Variants in GNPDA1 observed in about 807,000 individuals in gnomAD.
GNPDA1 encodes glucosamine-6-phosphate deaminase 1, also known as GNPDA 1.
A neutral mutation model predicts 28.5 loss-of-function variants in GNPDA1; 24 were observed. The observed-to-expected ratio is 0.84, with a 90% CI of 0.61 to 1.19. The LOEUF is 1.19. Among genes scored for constraint, GNPDA1 ranks in the 50% most tolerant of loss-of-function variants. GNPDA1 has a pLI of 0.00. For missense variants in GNPDA1, 264 were observed against 367.3 expected, an observed-to-expected ratio of 0.72 and a Z score of 2.30; for synonymous variants, 147 against 139.3, an observed-to-expected ratio of 1.06 and a Z score of -0.39.
rs766694575 is a variant in GNPDA1, at chr5:142,003,209, G to A, written c.648C>T (p.Ile216=). The part of the protein sequence containing the change: ...AHKAFALYKA[I]EEGVNHMWTV... ...TCCACATGTGGTTCACTCCCTCCTC[G>A]ATGGCCTTGTACAGAGCAAATGCCT... Residue 216 remains isoleucine (I), a synonymous_variant, in exon 6 of 7, where the codon ATC becomes ATT. Transcript: ENST00000311337. This position sits in a 1 kb window ranked among gnomAD's most constrained non-coding sequence, Gnocchi z 4.0. 21 of 1,613,520 alleles carry A rather than the reference G, an allele frequency of 1.3e-5. No individual in the cohort carries two copies. The highest frequency in any genetic ancestry group is 2.2e-5 in the East Asian group (1 of 44,882).
chr5:142,003,231 G>C lies in GNPDA1; in HGVS notation c.626C>G (p.Ala209Gly), dbSNP rs770774498. ...VMILITGAHK[A>G]FALYKAIEEG... ...CTCGATGGCCTTGTACAGAGCAAAT[G>C]CCTTGTGAGCACCTGTGATAAGGAT... Residue 209 changes from alanine to glycine, a missense_variant, in exon 6 of 7, where the codon GCA (alanine) becomes GGA (glycine). Coordinates refer to ENST00000311337, the MANE Select transcript of GNPDA1 (RefSeq NM_005471.5). This position sits in a 1 kb window ranked among gnomAD's most constrained non-coding sequence, Gnocchi z 4.0. 2.4e-5 allele frequency: 39 copies of C among 1,612,766 alleles called. No homozygotes were observed. The highest frequency in any genetic ancestry group is 3.2e-5 in the Non-Finnish European group (38 of 1,179,412).
intron 2 of GNPDA1, among the ~76,000 whole-genome samples, chr5:142,009,636 C>T (rs1366115277): frequency 2.0e-5 from 3 of 152,096 alleles, no homozygotes; most frequent in Admixed American, 6.6e-5. Context: ...TTAGTTGGTC[C>T]GTGTGACAAG....
At chr5:142,006,375 C>T in intron 3 of GNPDA1, 49 bp from the exon 4 acceptor site, 1 of 1,418,872 alleles carries the variant, frequency 7.0e-7, no homozygotes, top group Non-Finnish European at 9.9e-7. Flanking sequence ...GCCAAAGCCC[C>T]TCTCCTAAGA....
At chr5:142,005,877 T>C (rs1755789669) in intron 4 of GNPDA1, among the ~76,000 whole-genome samples, 1 of 152,192 alleles carries the variant, frequency 6.6e-6, no homozygotes, top group Admixed American at 6.5e-5. Context: ...GACTGATCCA[T>C]AAAACCTTAA....
Position 142,005,003 on chromosome 5 carries a change from C to T in GNPDA1, c.523G>A (p.Asp175Asn), listed in dbSNP as rs368639771. Reference sequence around the variant, plus strand: ...GTGGGCACCTTGGTGAGTTCTCCATCGAAGAACCTAGCATTGGCCAGGATG... The same window carrying T: ...GTGGGCACCTTGGTGAGTTCTCCATTGAAGAACCTAGCATTGGCCAGGATG... ...DTILANARFF[D>N]GELTKVPTMA... The change falls in exon 5 of 7, where the codon GAT becomes AAT. Residue 175 changes from aspartate to asparagine, a missense_variant. Asp to Asn is a conservative substitution (Grantham distance 23). Coordinates refer to ENST00000311337, the MANE Select transcript of GNPDA1 (RefSeq NM_005471.5). 5.5e-5 allele frequency: 89 copies of T among 1,613,336 alleles called. 1 individual carries two copies. The highest frequency in any genetic ancestry group is 6.7e-5 in the Non-Finnish European group (79 of 1,179,518).
intron 2 of GNPDA1, among the ~76,000 whole-genome samples, chr5:142,009,371 G>A (rs1755888275): frequency 6.6e-6 from 1 of 151,942 alleles, no homozygotes; most frequent in Non-Finnish European, 1.5e-5. Flanking sequence ...ACACTGCACA[G>A]CCCCACCCCT....
At position 142,003,030 on chromosome 5, in the gene GNPDA1, C is replaced by G. The variant is rs1224877459; in HGVS notation, c.769+58G>C. 1 of 1,440,970 alleles carries G rather than the reference C, an allele frequency of 6.9e-7. No individual in the cohort carries two copies. Among genetic ancestry groups the G allele is most frequent in the East Asian group, 2.3e-5 (1 of 43,852 alleles). 89.3% of individuals were successfully genotyped at this position (1,440,970 alleles called of 1,614,324 possible). A position where few individuals can be genotyped will look rare whatever the true frequency, so the allele number is the denominator to read the frequency against. On this transcript the variant is annotated intron_variant, in intron 6 of 6. Transcript: ENST00000311337. The surrounding 1 kb of genome is among the most constrained non-coding windows in gnomAD (Gnocchi z 4.0). Reference sequence around the variant, plus strand: ...CAGAGGATGAAAGCTGGATCTACTCCTTACTCCTAGCACACCCTAAGCTTG... The same window carrying G: ...CAGAGGATGAAAGCTGGATCTACTCGTTACTCCTAGCACACCCTAAGCTTG...
At chr5:142,012,201 C>CACT in intron 1 of GNPDA1, 160 bp from the exon 2 acceptor site, 1 of 630,732 alleles carries the variant, frequency 1.6e-6, no homozygotes. Context: ...AGCTAAGAGG[C>CACT]TAGGCCAGTC....
At chr5:142,006,739 T>C (rs553903395) in intron 3 of GNPDA1, among the ~76,000 whole-genome samples, 5 of 152,022 alleles carry the variant, frequency 3.3e-5, no homozygotes, top group African/African-American at 1.2e-4. Flanking sequence ...CCACTCCCAG[T>C]TCTACCCCAC....
rs190135456 is a variant in GNPDA1, at chr5:142,006,090, C to G, written c.409+54G>C. 313 of 1,458,468 alleles carry G rather than the reference C, an allele frequency of 2.1e-4. 1 individual carries two copies. The African/African-American group carries it at 2.7e-3, about 13-fold the overall frequency. 90.3% of individuals were successfully genotyped at this position (1,458,468 alleles called of 1,614,324 possible). A position where few individuals can be genotyped will look rare whatever the true frequency, so the allele number is the denominator to read the frequency against. The stretch of plus-strand genomic sequence containing the variant: ...CTGCAGACAGGCATTGTGTCTTGTC[C>G]TCCTTCCCACGGGTCTGGCCCTGGA... On this transcript the variant is annotated intron_variant, in intron 4 of 6. Transcript: ENST00000311337.
chr5:142,003,194 G>A lies in GNPDA1; in HGVS notation c.663C>T (p.Asn221=). 6.2e-7 allele frequency: 1 copy of A among 1,613,780 alleles called. No individual in the cohort carries two copies. Among genetic ancestry groups the A allele is most frequent in the Non-Finnish European group, 8.5e-7 (1 of 1,179,690 alleles). ...GGAAGGCAGACACGGTCCACATGTG[G>A]TTCACTCCCTCCTCGATGGCCTTGT... ...ALYKAIEEGV[N]HMWTVSAFQQ... Residue 221 remains asparagine, a synonymous_variant, in exon 6 of 7, where the codon AAC becomes AAT. Coordinates refer to ENST00000311337, the MANE Select transcript of GNPDA1 (RefSeq NM_005471.5). This position sits in a 1 kb window ranked among gnomAD's most constrained non-coding sequence, Gnocchi z 4.0.
chr5:142,005,995 A>G (rs1228217834), intron 4 of GNPDA1, 149 bp downstream of exon 4: 1 of 635,688 alleles, frequency 1.6e-6, no homozygotes, highest in African/African-American at 1.8e-5. Flanking sequence ...TTCCTGAGTA[A>G]CAGAGCCAGG....
chr5:142,009,527 T>C (rs917583532), intron 2 of GNPDA1, among the ~76,000 whole-genome samples: 26 of 152,226 alleles, frequency 1.7e-4, no homozygotes, highest in Admixed American at 1.2e-3. Context: ...TTTTTGTTCA[T>C]TGCTGTATCC....
chr5:142,007,246 A>AT (rs200899649), intron 3 of GNPDA1, among the ~76,000 whole-genome samples: 47 of 151,048 alleles, frequency 3.1e-4, no homozygotes, highest in East Asian at 7.8e-4. Context: ...TTTTACCACA[A>AT]TTTTTTTTTT....
chr5:142,005,836 C>G (rs1755789025), intron 4 of GNPDA1, among the ~76,000 whole-genome samples: 1 of 152,122 alleles, frequency 6.6e-6, no homozygotes, highest in African/African-American at 2.4e-5. Context: ...CTACATGAGT[C>G]CATGATGTTA....
intron 6 of GNPDA1, among the ~76,000 whole-genome samples, chr5:142,002,753 C>CA (rs1303647828): frequency 9.2e-5 from 14 of 151,844 alleles, no homozygotes; most frequent in Non-Finnish European, 1.8e-4. Flanking sequence ...GACCCTGTCT[C>CA]AAAAAGAAAG....
chr5:142,010,023 T>C (rs1755904845), intron 2 of GNPDA1, among the ~76,000 whole-genome samples: 1 of 152,162 alleles, frequency 6.6e-6, no homozygotes. Flanking sequence ...TCTCCACAGT[T>C]AGGAGACAGG....
intron 4 of GNPDA1, 79 bp downstream of exon 4, chr5:142,006,065 C>T: frequency 8.3e-7 from 1 of 1,212,056 alleles, no homozygotes; most frequent in Non-Finnish European, 1.2e-6. Context: ...AAGAAGCTGT[C>T]TGCAGACAGG....
At chr5:142,005,486 C>CT (rs1414244705) in intron 4 of GNPDA1, 1 of 179,192 alleles carries the variant, frequency 5.6e-6, no homozygotes, top group Non-Finnish European at 1.2e-5. Context: ...TTAGAGGGTC[C>CT]TGCTGCTGGG....
Sources: allele counts gnomAD v4.1 joint callset (sites outside exome capture counted in the v4.1 genomes callset), GRCh38; gene constraint gnomAD v4.1.1; non-coding constraint Gnocchi (gnomAD v3.1); transcripts MANE v1.5; gene names NCBI Gene and HGNC (gene_info 2026-07-23, HGNC 2026-07-21).